The following SLC4A7 variants were observed in gnomAD, a reference collection of about 807,000 sequenced individuals.
The protein encoded by SLC4A7 is solute carrier family 4 member 7.
A neutral mutation model predicts 137.6 loss-of-function variants in SLC4A7; 51 were observed. The ratio of observed to expected loss-of-function variants is 0.37; its 90% confidence interval spans 0.30 to 0.47. The LOEUF (loss-of-function observed/expected upper bound fraction) is 0.47. Among genes scored for constraint, SLC4A7 ranks in the 20% least tolerant of loss-of-function variants. The pLI is 1.00. For missense variants in SLC4A7, 1,247 were observed against 1,525.4 expected (o/e 0.82, Z 3.04); for synonymous variants, 542 against 518.6 (o/e 1.05, Z -0.61).
chr3:27,435,729 C>G (rs2056685007), intron 5 of SLC4A7, among the ~76,000 whole-genome samples: 1 of 152,226 alleles, frequency 6.6e-6, no homozygotes, highest in East Asian at 1.9e-4. Context: ...GTGGTCCCAG[C>G]TACTCAGTAG....
chr3:27,459,400 ATTAT>A (rs1258224721), intron 1 of SLC4A7, among the ~76,000 whole-genome samples: 3 of 146,162 alleles, frequency 2.1e-5, no homozygotes, highest in African/African-American at 7.3e-5. Context: ...AGTTTAATAC[ATTAT>A]TTGATAAAAT....
intron 8 of SLC4A7, chr3:27,423,824 T>TTCAA (rs1416650311): frequency 2.0e-5 from 9 of 453,958 alleles, no homozygotes; most frequent in Non-Finnish European, 2.7e-5. Flanking sequence ...ACACTAGTAA[T>TTCAA]GGTGTAAAGT....
At chr3:27,470,709 G>A (rs1177738762) in intron 1 of SLC4A7, among the ~76,000 whole-genome samples, 1 of 150,342 alleles carries the variant, frequency 6.7e-6, no homozygotes, top group Non-Finnish European at 1.5e-5. Flanking sequence ...CTGGGAGGCC[G>A]AGGCAGGCGG....
At chr3:27,443,012 A>C in intron 3 of SLC4A7, among the ~76,000 whole-genome samples, 1 of 136,220 alleles carries the variant, frequency 7.3e-6, no homozygotes, top group Non-Finnish European at 1.6e-5. Context: ...CGCGCTGGGC[A>C]TTCTCTTTTT....
chr3:27,451,796 A>T (rs2058089943), intron 2 of SLC4A7, among the ~76,000 whole-genome samples: 1 of 152,158 alleles, frequency 6.6e-6, no homozygotes, highest in Admixed American at 6.5e-5. Flanking sequence ...ACCAATGTTA[A>T]TTTCTTCATT....
chr3:27,449,247 C>A (rs1346223106), intron 2 of SLC4A7, among the ~76,000 whole-genome samples: 1 of 151,704 alleles, frequency 6.6e-6, no homozygotes, highest in Non-Finnish European at 1.5e-5. Context: ...TGAGATCATA[C>A]TATGTAGACA....
At chr3:27,446,496 A>T (rs2057649293) in intron 3 of SLC4A7, among the ~76,000 whole-genome samples, 1 of 152,156 alleles carries the variant, frequency 6.6e-6, no homozygotes, top group Non-Finnish European at 1.5e-5. Context: ...TAACACTTTT[A>T]ATCCCATATC....
In SLC4A7 at chr3:27,431,487, A is replaced by G. The variant is rs1212212168; in HGVS notation, c.961T>C (p.Ser321Pro). The change falls in exon 7 of 26, where the codon TCT becomes CCT. Residue 321 changes from serine (S) to proline (P), a missense_variant. This residue lies in a region of SLC4A7 where 223 missense variants were observed against 203.6 expected (regional missense o/e 1.10). Coordinates refer to ENST00000454389, the MANE Select transcript of SLC4A7 (RefSeq NM_001321103.2). ...PVPTPQNSPP[S>P]SPSISRLTSR... ...GTCAGGCGGCTGATGCTAGGGCTAGAAGGAGGACTGTTTTGAGGGGTGGGT... is the reference window on the plus strand; with the variant it reads ...GTCAGGCGGCTGATGCTAGGGCTAGGAGGAGGACTGTTTTGAGGGGTGGGT... 6.2e-6 allele frequency: 10 copies of G among 1,613,984 alleles called. No individual in the cohort carries two copies. Among genetic ancestry groups the G allele is most frequent in the Non-Finnish European group, 8.5e-6 (10 of 1,180,000 alleles).
intron 1 of SLC4A7, among the ~76,000 whole-genome samples, chr3:27,456,335 A>G (rs1453808703): frequency 1.3e-5 from 2 of 152,230 alleles, no homozygotes; most frequent in Non-Finnish European, 2.9e-5. Flanking sequence ...CGAACACTTT[A>G]GCTTCAAAAC....
At chr3:27,386,584 GTTTATGCA>G (rs1293409904) in intron 22 of SLC4A7, among the ~76,000 whole-genome samples, 1 of 151,876 alleles carries the variant, frequency 6.6e-6, no homozygotes, top group African/African-American at 2.4e-5. Context: ...TATGACTTTT[GTTTATGCA>G]TTTATGAGTT....
At chr3:27,389,155 T>C (rs982067868) in intron 22 of SLC4A7, among the ~76,000 whole-genome samples, 2 of 152,160 alleles carry the variant, frequency 1.3e-5, no homozygotes, top group Non-Finnish European at 2.9e-5. Context: ...GGCAATGAAG[T>C]GCATACACCT....
chr3:27,405,907 C>T (rs1441358156), intron 13 of SLC4A7, among the ~76,000 whole-genome samples: 1 of 152,116 alleles, frequency 6.6e-6, no homozygotes, highest in Non-Finnish European at 1.5e-5. Context: ...CCATTACATT[C>T]TAACTAATTA....
chr3:27,411,276 G>A (rs1199810311), intron 12 of SLC4A7, among the ~76,000 whole-genome samples: 1 of 151,934 alleles, frequency 6.6e-6, no homozygotes, highest in African/African-American at 2.4e-5. Context: ...GAAATTATTA[G>A]TTGTAATTAC....
At chr3:27,457,264 T>A (rs1030242545) in intron 1 of SLC4A7, among the ~76,000 whole-genome samples, 2 of 152,134 alleles carry the variant, frequency 1.3e-5, no homozygotes, top group African/African-American at 4.8e-5. Context: ...AATAAAGCCA[T>A]TACATGTTAA....
At chr3:27,448,922 C>T in intron 2 of SLC4A7, 125 bp from the exon 3 acceptor site, 1 of 557,204 alleles carries the variant, frequency 1.8e-6, no homozygotes, top group African/African-American at 1.9e-5. Flanking sequence ...TGGTAGTCTC[C>T]AGTTACTTCT....
In SLC4A7 at chr3:27,411,707, G is replaced by T. The variant is rs780680264; in HGVS notation, c.1701C>A (p.Pro567=). Residue 567 remains proline (P), a synonymous_variant, in exon 12 of 26, where the codon CCC becomes CCA. Coordinates refer to ENST00000454389, the MANE Select transcript of SLC4A7 (RefSeq NM_001321103.2). ...KIPVFHNGST[P]TLGETPKEAA... is the part of the protein sequence containing the mutation. Reference sequence around the variant, plus strand: ...CCTCTTTAGGAGTCTCACCCAGTGTGGGGGTAGATCCATTGTGAAACACAG... The same window carrying T: ...CCTCTTTAGGAGTCTCACCCAGTGTTGGGGTAGATCCATTGTGAAACACAG... 1.3e-6 allele frequency: 2 copies of T among 1,559,864 alleles called. No individual in the cohort carries two copies. The highest frequency in any genetic ancestry group is 1.7e-6 in the Non-Finnish European group (2 of 1,149,734).
chr3:27,384,946 A>T (rs760108702), intron 23 of SLC4A7, among the ~76,000 whole-genome samples: 5 of 152,130 alleles, frequency 3.3e-5, no homozygotes, highest in Admixed American at 6.6e-5. Context: ...ATCTCAGAAG[A>T]AAAAAACAAA....
chr3:27,442,734 G>A (rs9818629), intron 3 of SLC4A7, among the ~76,000 whole-genome samples: 140,730 of 152,194 alleles, frequency 0.92, 65,188 homozygotes, highest in East Asian at 1. Context: ...TTAGGCACGC[G>A]GACACTTTGA....
At chr3:27,428,677 T>C (rs1394698456) in intron 7 of SLC4A7, among the ~76,000 whole-genome samples, 2 of 152,118 alleles carry the variant, frequency 1.3e-5, no homozygotes, top group African/African-American at 4.8e-5. Context: ...CTTTTCTAAG[T>C]TTCTGAAAAT....
Sources: allele counts gnomAD v4.1 joint callset (sites outside exome capture counted in the v4.1 genomes callset), GRCh38; gene constraint gnomAD v4.1.1; regional missense constraint gnomAD v4.1.1; transcripts MANE v1.5; gene names NCBI Gene and HGNC (gene_info 2026-07-23, HGNC 2026-07-21).